The following IL17RE variants were observed in gnomAD, a reference collection of about 807,000 sequenced individuals.
IL17RE encodes the protein interleukin 17 receptor E.
IL17RE carries 47 observed loss-of-function variants against 70.7 expected under a neutral mutation model. The ratio of observed to expected loss-of-function variants is 0.67; its 90% CI spans 0.53 to 0.85. The LOEUF (loss-of-function observed/expected upper bound fraction) is 0.85. Among genes scored for constraint, IL17RE ranks in the 40% least tolerant of loss-of-function variants. The probability of loss-of-function intolerance (pLI) is 0.00; values close to 1 mark genes in which losing one functional copy is unlikely to be tolerated. For synonymous variants in IL17RE, 372 were observed against 381.2 expected, an observed-to-expected ratio of 0.98 and a Z score of 0.28; for missense variants, 850 against 893.9, an observed-to-expected ratio of 0.95 and a Z score of 0.63.
At position 9,913,950 on chromosome 3, in the gene IL17RE, C is replaced by A; in HGVS notation, c.1228-6C>A. The A allele has an allele frequency of 6.2e-7, 1 of 1,613,468 alleles. No individual in the cohort carries two copies. The highest frequency in any genetic ancestry group is 8.5e-7 in the Non-Finnish European group (1 of 1,179,366). On this transcript the variant is annotated splice_region_variant and splice_polypyrimidine_tract_variant and intron_variant, in intron 12 of 15. Coordinates refer to ENST00000383814, the MANE Select transcript of IL17RE (RefSeq NM_153480.2). ...GGGACAGCCTTTCTGCTCTTTGTTT[C>A]TACAGGCCCGGGGCTCAAGCCCAGT...
rs757644619 is a variant in IL17RE, at chr3:9,906,422, C to A, written c.327C>A (p.Phe109Leu). ...AGAAATCCAAAAAGTCTTCCACATT[C>A]AAGTTCTATAGGAGACACAAGATGC... ...LVQKSKKSSTFKFYRRHKMPA... is the reference protein window; with the variant it reads ...LVQKSKKSSTLKFYRRHKMPA... The change falls in exon 4 of 16, where the codon TTC becomes TTA. Residue 109 changes from phenylalanine to leucine, a missense_variant. Physicochemically the swap from Phe to Leu is conservative, Grantham distance 22 (BLOSUM62 0). Coordinates refer to ENST00000383814, the MANE Select transcript of IL17RE (RefSeq NM_153480.2). 6.2e-7 allele frequency: 1 copy of A among 1,613,970 alleles called. No individual in the cohort carries two copies. Among genetic ancestry groups the A allele is most frequent in the Non-Finnish European group, 8.5e-7 (1 of 1,179,894 alleles).
rs2083031529 is a variant in IL17RE, at chr3:9,915,616, C to T, written c.1813C>T (p.Pro605Ser). The T allele has an allele frequency of 2.8e-6, 4 of 1,415,556 alleles. No individual in the cohort carries two copies. Among genetic ancestry groups the T allele is most frequent in the Non-Finnish European group, 2.8e-6 (3 of 1,088,914 alleles). 87.7% of individuals were successfully genotyped at this position (1,415,556 alleles called of 1,614,324 possible). A position where few individuals can be genotyped will look rare whatever the true frequency, so the allele number is the denominator to read the frequency against. Residue 605 changes from proline to serine, a missense_variant, in exon 16 of 16, where the codon CCG becomes TCG. Pro to Ser is a moderately conservative substitution (Grantham distance 74). Coordinates refer to ENST00000383814, the MANE Select transcript of IL17RE (RefSeq NM_153480.2). This position sits in a 1 kb window ranked among gnomAD's most constrained non-coding sequence, Gnocchi z 4.9. ...SRLCAKGDIP[P>S]PLRALPRYRL... ...CCTCTGCGCCAAGGGCGACATCCCCCCGCCGCTGCGCGCCCTGCCGCGCTA... is the reference window on the plus strand; with the variant it reads ...CCTCTGCGCCAAGGGCGACATCCCCTCGCCGCTGCGCGCCCTGCCGCGCTA...
chr3:9,906,564 T>C (rs936584720), intron 4 of IL17RE, 103 bp downstream of exon 4: 31 of 1,317,398 alleles, frequency 2.4e-5, no homozygotes, highest in Non-Finnish European at 3.2e-5. Context: ...AGTGTGGAGA[T>C]GAAGTATTCT....
At position 9,903,517 on chromosome 3, in the gene IL17RE, C is replaced by T; in HGVS notation, c.148+105C>T. On this transcript the variant is annotated intron_variant, in intron 2 of 15. Transcript: ENST00000383814. ...TTTCAGTTCCCAACCCGGGAAGTAG[C>T]ACAATATCAAGGAAAAATTTGGAAT... 4 of 1,278,754 alleles carry T rather than the reference C, an allele frequency of 3.1e-6. No homozygotes were observed. In the South Asian group the frequency reaches 4.9e-5, roughly 16 times the overall value. The allele number at this position is 1,278,754 out of a possible 1,614,324, so 79.2% of individuals were successfully genotyped here.
chr3:9,914,161 C>T (rs868328973), intron 13 of IL17RE, 137 bp downstream of exon 13: 1 of 751,794 alleles, frequency 1.3e-6, no homozygotes, highest in South Asian at 1.7e-5. Context: ...TGCTTACCAC[C>T]ATTTACATAT....
intron 6 of IL17RE, 146 bp from the exon 7 acceptor site, chr3:9,908,093 T>TGAGA: frequency 1.5e-6 from 1 of 671,106 alleles, no homozygotes; most frequent in South Asian, 1.7e-5. Flanking sequence ...AGACAACCTT[T>TGAGA]GAGAGACTTA....
Position 9,915,412 on chromosome 3 carries a change from C to A in IL17RE, c.1609C>A (p.Pro537Thr). 2 of 1,361,268 alleles carry A rather than the reference C, an allele frequency of 1.5e-6. No homozygotes were observed. Among genetic ancestry groups the A allele is most frequent in the Non-Finnish European group, 1.9e-6 (2 of 1,066,754 alleles). 84.3% of individuals were successfully genotyped at this position (1,361,268 alleles called of 1,614,324 possible). ...WEGRHVARVG[P>T]LPWLWAARTR... ...GGGGAGGCACGTGGCGCGCGTGGGC[C>A]CGCTGCCGTGGCTCTGGGCGGCGCG... is the stretch of plus-strand genomic sequence containing the variant. The change falls in exon 16 of 16, where the codon CCG (proline) becomes ACG (threonine). Residue 537 changes from proline (P) to threonine (T), a missense_variant. By Grantham distance (38) the Pro-to-Thr change is conservative. Coordinates refer to ENST00000383814, the MANE Select transcript of IL17RE (RefSeq NM_153480.2). The surrounding 1 kb of genome is among the most constrained non-coding windows in gnomAD (Gnocchi z 4.9).
rs373314261 is a variant in IL17RE, at chr3:9,912,503, C to T, written c.1227+906C>T. Among the ~76,000 whole-genome samples, 20 of 152,308 alleles carry T rather than the reference C, an allele frequency of 1.3e-4. No individual in the cohort carries two copies. The South Asian group carries it at 4.1e-3, about 32-fold the overall frequency. On this transcript the variant is annotated intron_variant, in intron 12 of 15. Transcript: ENST00000383814. ...AACTATTGACAAATTTCACCTGTTACGTAACTAGGAGCACTTTATCAGACT... is the reference window on the plus strand; with the variant it reads ...AACTATTGACAAATTTCACCTGTTATGTAACTAGGAGCACTTTATCAGACT...
At position 9,910,829 on chromosome 3, in the gene IL17RE, GCTGACCC is replaced by G. The variant is rs753425337; in HGVS notation, c.803-35_803-29del. ...GGTGGCAAGGTGGGGCTGAAGCAGG[GCTGACCC>G]TCACCCACTGACCCTGCCACCTGCC... On this transcript the variant is annotated intron_variant, in intron 8 of 15. Transcript: ENST00000383814. The G allele has an allele frequency of 1.9e-6, 3 of 1,599,744 alleles. No homozygotes were observed. In the South Asian group the frequency reaches 3.4e-5, roughly 18 times the overall value.
rs1261113463 is a variant in IL17RE at position 9,911,043 on chromosome 3, G to A, written c.978+3G>A. 7 of 1,614,046 alleles carry A rather than the reference G, an allele frequency of 4.3e-6. No homozygotes were observed. The East Asian group carries it at 8.9e-5, about 21-fold the overall frequency. ...CCACAGCTCGAGAGTCAGATGGGGT[G>A]AGGACAGGTTCCCCCAGGACCAGGG... On this transcript the variant is annotated splice_donor_region_variant and intron_variant, in intron 9 of 15. Coordinates refer to ENST00000383814, the MANE Select transcript of IL17RE (RefSeq NM_153480.2).
Position 9,911,037 on chromosome 3 carries a change from T to C in IL17RE, c.975T>C (p.Asp325=), listed in dbSNP as rs2125087254. 6.2e-7 allele frequency: 1 copy of C among 1,614,082 alleles called. No homozygotes were observed. Among genetic ancestry groups the C allele is most frequent in the Non-Finnish European group, 8.5e-7 (1 of 1,179,998 alleles). ...CGAATGCCACAGCTCGAGAGTCAGA[T>C]GGGGTGAGGACAGGTTCCCCCAGGA... The part of the protein sequence containing the change: ...DLPNATARES[D]GWYVLEKVDL... The change falls in exon 9 of 16, where the codon GAT becomes GAC. Residue 325 remains aspartate, a synonymous_variant. Transcript: ENST00000383814.
chr3:9,903,232 TG>T, intron 1 of IL17RE, 164 bp from the exon 2 acceptor site: 1 of 962,346 alleles, frequency 1.0e-6, no homozygotes, highest in Non-Finnish European at 1.6e-6. Context: ...GCTGAGGGCC[TG>T]GACAGGGTGG....
intron 3 of IL17RE, 72 bp downstream of exon 3, chr3:9,904,223 T>C: frequency 6.4e-7 from 1 of 1,550,666 alleles, no homozygotes; most frequent in South Asian, 1.1e-5. Context: ...GCTGAGCAAG[T>C]GGGACTTACT....
intron 3 of IL17RE, among the ~76,000 whole-genome samples, chr3:9,905,481 G>GAAGGAAGGAAGGAACA (rs1179184992): frequency 6.6e-6 from 1 of 151,476 alleles, no homozygotes; most frequent in Non-Finnish European, 1.5e-5. Flanking sequence ...AGGAAGGAAC[G>GAAGGAAGGAAGGAACA]AAGGAAGGAA....
chr3:9,911,861 G>T (rs2082902910), intron 12 of IL17RE: 1 of 338,098 alleles, frequency 3.0e-6, no homozygotes, highest in Admixed American at 4.5e-5. Context: ...GAGTGCAGTG[G>T]CGCGATCTCG....
At chr3:9,911,763 A>G in intron 12 of IL17RE, 166 bp downstream of exon 12, 1 of 616,426 alleles carries the variant, frequency 1.6e-6, no homozygotes, top group Non-Finnish European at 2.7e-6. Context: ...TAACTTGCTG[A>G]CAGTAGGTTC....
In IL17RE at chr3:9,915,273, GCTC is replaced by G. The variant is rs1355489712; in HGVS notation, c.1476_1478del (p.Leu493del). On this transcript the variant is annotated inframe_deletion, in exon 16 of 16. Coordinates refer to ENST00000383814, the MANE Select transcript of IL17RE (RefSeq NM_153480.2). This position sits in a 1 kb window ranked among gnomAD's most constrained non-coding sequence, Gnocchi z 4.9. The stretch of plus-strand genomic sequence containing the variant: ...CAGGCCCGGGCCCAGCGCGGCCAGT[GCTC>G]CTCCTGCACGCGGCGGACTCGGAGG... 3 of 1,405,800 alleles carry G rather than the reference GCTC, an allele frequency of 2.1e-6. No homozygotes were observed. Among genetic ancestry groups the G allele is most frequent in the Non-Finnish European group, 2.8e-6 (3 of 1,088,146 alleles). The allele number at this position is 1,405,800 out of a possible 1,614,324, so 87.1% of individuals were successfully genotyped here. A position where few individuals can be genotyped will look rare whatever the true frequency, so the allele number is the denominator to read the frequency against.
upstream of IL17RE, chr3:9,902,677 G>T (rs1367767692): frequency 3.6e-5 from 56 of 1,536,032 alleles, no homozygotes; most frequent in Non-Finnish European, 4.8e-5. Flanking sequence ...CACAGCAGGA[G>T]CCCCTTGTCT....
At chr3:9,911,900 T>G in intron 12 of IL17RE, 1 of 220,804 alleles carries the variant, frequency 4.5e-6, no homozygotes, top group South Asian at 9.6e-5. Context: ...GAGTATTTTC[T>G]AATCCTTTCA....
Sources: gnomAD v4.1 joint callset for allele counts (sites outside exome capture counted in the v4.1 genomes callset) on GRCh38, gnomAD v4.1.1 for gene constraint, Gnocchi (gnomAD v3.1) non-coding constraint, MANE v1.5 for transcripts, NCBI Gene and HGNC (gene_info 2026-07-23, HGNC 2026-07-21) for gene names.